COL25A1: variants seen among roughly 807,000 people sequenced by gnomAD.
COL25A1 encodes the protein collagen type XXV alpha 1 chain.
In COL25A1, 103 loss-of-function variants were observed where a neutral mutation model predicts 128.4. The ratio of observed to expected loss-of-function variants is 0.80; its 90% CI spans 0.68 to 0.94. COL25A1 has a LOEUF of 0.94. COL25A1 is among the 40% of genes least tolerant of loss of function. The pLI, the probability that COL25A1 is intolerant of heterozygous loss-of-function variation, is 0.00. For synonymous variants in COL25A1, 279 were observed against 277.2 expected, an observed-to-expected ratio of 1.01 and a Z score of -0.06; for missense variants, 745 against 840.0, an observed-to-expected ratio of 0.89 and a Z score of 1.40.
At chr4:109,014,381 A>G (rs1757009652) in intron 5 of COL25A1, among the ~76,000 whole-genome samples, 1 of 151,972 alleles carries the variant, frequency 6.6e-6, no homozygotes, top group African/African-American at 2.4e-5. Context: ...TGTTATGTGA[A>G]AGTTAAAATG....
intron 3 of COL25A1, among the ~76,000 whole-genome samples, chr4:109,219,998 G>C (rs75992781): frequency 0.087 from 13,160 of 152,070 alleles, 1,188 homozygotes; most frequent in African/African-American, 0.23. Context: ...TACTTGTTTT[G>C]TAATTAGAAA....
chr4:109,127,040 T>A (rs556098669), intron 3 of COL25A1, among the ~76,000 whole-genome samples: 1 of 152,168 alleles, frequency 6.6e-6, no homozygotes, highest in Non-Finnish European at 1.5e-5. Flanking sequence ...GAGAAAGAGA[T>A]AAAAGCTTCA....
At chr4:109,176,698 T>C (rs765010815) in intron 3 of COL25A1, among the ~76,000 whole-genome samples, 7 of 152,156 alleles carry the variant, frequency 4.6e-5, no homozygotes, top group Non-Finnish European at 8.8e-5. Flanking sequence ...TGTAATTAAG[T>C]GAAAGATCTC....
intron 3 of COL25A1, among the ~76,000 whole-genome samples, chr4:109,085,393 C>T (rs1474223433): frequency 1.3e-5 from 2 of 152,184 alleles, no homozygotes; most frequent in Non-Finnish European, 2.9e-5. Context: ...CTCCCTTTCT[C>T]TCTTGTCTAT....
At position 108,811,911 on chromosome 4, in the gene COL25A1, C is replaced by G. The variant is rs1363522524; in HGVS notation, c.*2016G>C. On this transcript the variant is annotated 3_prime_UTR_variant, in exon 38 of 38. Coordinates refer to ENST00000399132, the MANE Select transcript of COL25A1 (RefSeq NM_198721.4). ...AATGAGATCATGAGGATTTTAGGTT[C>G]CTTGTCTTATGGTTATATCTTAACT... 1.3e-5 allele frequency: 2 copies of G among 152,142 alleles called. No individual in the cohort carries two copies. Among genetic ancestry groups the G allele is most frequent in the African/African-American group, 4.8e-5 (2 of 41,426 alleles). 9.4% of individuals were successfully genotyped at this position (152,142 alleles called of 1,614,324 possible).
chr4:108,860,598 A>G (rs561533186), intron 23 of COL25A1, among the ~76,000 whole-genome samples: 199 of 152,232 alleles, frequency 1.3e-3, no homozygotes, highest in African/African-American at 4.5e-3. Context: ...AAGACACTGA[A>G]CATATGGGTT....
chr4:109,029,051 T>C (rs542690097), intron 5 of COL25A1, among the ~76,000 whole-genome samples: 2 of 152,192 alleles, frequency 1.3e-5, no homozygotes, highest in African/African-American at 2.4e-5. Context: ...GGCAACTCTT[T>C]CCAGAGTTTC....
At chr4:109,192,620 C>T (rs978620816) in intron 3 of COL25A1, among the ~76,000 whole-genome samples, 6 of 152,040 alleles carry the variant, frequency 3.9e-5, no homozygotes, top group East Asian at 1.9e-4. Context: ...TTTGGGAGGT[C>T]GAGGCGGCAG....
At chr4:109,242,231 C>G (rs1250100207) in intron 3 of COL25A1, among the ~76,000 whole-genome samples, 1 of 152,116 alleles carries the variant, frequency 6.6e-6, no homozygotes, top group Non-Finnish European at 1.5e-5. Flanking sequence ...CGCTTCACAT[C>G]ATGTGTTTCA....
intron 3 of COL25A1, among the ~76,000 whole-genome samples, chr4:109,145,608 G>C (rs1281810529): frequency 6.6e-6 from 1 of 152,198 alleles, no homozygotes; most frequent in Non-Finnish European, 1.5e-5. Context: ...GGAGGCTGAG[G>C]TGGGTGAATC....
intron 3 of COL25A1, among the ~76,000 whole-genome samples, chr4:109,202,035 G>T (rs938749158): frequency 2.0e-5 from 3 of 152,056 alleles, no homozygotes; most frequent in African/African-American, 7.2e-5. Context: ...TCCTTAAGAA[G>T]TCAGTTCTTC....
Position 109,158,540 on chromosome 4 carries a change from A to G in COL25A1, c.368-108361T>C, listed in dbSNP as rs553991825. ...ATGAAAAAACTATGAAGTATCTACA[A>G]TATTCTAGGAGCAAATCTGGGCTCC... On this transcript the variant is annotated intron_variant, in intron 3 of 37. Transcript: ENST00000399132. Among the ~76,000 whole-genome samples the G allele has an allele frequency of 2.0e-5, 3 of 152,350 alleles. No individual in the cohort carries two copies. In the East Asian group the frequency reaches 5.8e-4, roughly 29 times the overall value.
intron 3 of COL25A1, among the ~76,000 whole-genome samples, chr4:109,253,739 C>G (rs1380688882): frequency 6.6e-6 from 1 of 152,068 alleles, no homozygotes; most frequent in Admixed American, 6.5e-5. Context: ...CACTTTTTGA[C>G]CAACACCAAA....
intron 3 of COL25A1, among the ~76,000 whole-genome samples, chr4:109,117,071 G>GAA (rs201457935): frequency 6.7e-6 from 1 of 148,488 alleles, no homozygotes; most frequent in African/African-American, 2.5e-5. Flanking sequence ...AGAAGAAAGA[G>GAA]AAAAAAAAAC....
intron 8 of COL25A1, among the ~76,000 whole-genome samples, chr4:108,941,725 A>C (rs1464798162): frequency 6.6e-6 from 1 of 152,166 alleles, no homozygotes; most frequent in Non-Finnish European, 1.5e-5. Context: ...GTTTATTCCC[A>C]GAAACAGGTA....
At chr4:108,989,433 C>T (rs988190367) in intron 6 of COL25A1, among the ~76,000 whole-genome samples, 6 of 152,082 alleles carry the variant, frequency 3.9e-5, no homozygotes, top group Non-Finnish European at 5.9e-5. Flanking sequence ...TGTGCTATAA[C>T]TCTTCTAAGC....
intron 3 of COL25A1, among the ~76,000 whole-genome samples, chr4:109,122,492 T>G (rs909765357): frequency 3.0e-4 from 46 of 152,014 alleles, no homozygotes; most frequent in African/African-American, 1.1e-3. Flanking sequence ...AGAAGGGAAG[T>G]CTGTCATAAA....
At chr4:108,968,333 A>G (rs1751548312) in intron 8 of COL25A1, among the ~76,000 whole-genome samples, 1 of 152,208 alleles carries the variant, frequency 6.6e-6, no homozygotes, top group Admixed American at 6.5e-5. Flanking sequence ...ATTACCTTTT[A>G]ACTTCTTGCA....
At chr4:109,118,069 G>A (rs1767769258) in intron 3 of COL25A1, among the ~76,000 whole-genome samples, 2 of 151,790 alleles carry the variant, frequency 1.3e-5, no homozygotes, top group East Asian at 3.9e-4. Flanking sequence ...ACCAAATATG[G>A]TATAATCACT....
Sources: gnomAD v4.1 joint callset for allele counts (sites outside exome capture counted in the v4.1 genomes callset) on GRCh38, gnomAD v4.1.1 for gene constraint, MANE v1.5 for transcripts, NCBI Gene and HGNC (gene_info 2026-07-23, HGNC 2026-07-21) for gene names.